PARD3: variants seen among roughly 807,000 people sequenced by gnomAD.
The protein encoded by PARD3 is par-3 family cell polarity regulator, also known as partitioning defective 3 homolog.
Under a neutral mutation model 155.4 loss-of-function variants are expected in PARD3, and 75 were observed. That is an observed-to-expected ratio of 0.48 (90% CI 0.40 to 0.58). PARD3 has a LOEUF of 0.58. PARD3 is among the 20% of genes least tolerant of loss of function. The pLI, the probability that PARD3 is intolerant of heterozygous loss-of-function variation, is 0.00. For missense variants in PARD3, 1,642 were observed against 1,721.7 expected, an observed-to-expected ratio of 0.95 and a Z score of 0.82; for synonymous variants, 576 against 610.5, an observed-to-expected ratio of 0.94 and a Z score of 0.83.
chr10:34,204,652 A>G (rs1179638352), intron 22 of PARD3, among the ~76,000 whole-genome samples: 1 of 152,186 alleles, frequency 6.6e-6, no homozygotes, highest in African/African-American at 2.4e-5. Context: ...ACACATATTC[A>G]GATGCATCTG....
At chr10:34,539,224 G>A (rs1354156209) in intron 2 of PARD3, among the ~76,000 whole-genome samples, 2 of 152,140 alleles carry the variant, frequency 1.3e-5, no homozygotes, top group Non-Finnish European at 2.9e-5. Context: ...AAAGTATTGT[G>A]GTGCTCCCAG....
At chr10:34,640,896 G>A (rs1033744575) in intron 2 of PARD3, among the ~76,000 whole-genome samples, 1 of 151,908 alleles carries the variant, frequency 6.6e-6, no homozygotes, top group Non-Finnish European at 1.5e-5. Context: ...GACAGGGAGG[G>A]AGGGAATGTG....
chr10:34,360,518 T>A (rs1839341483), intron 12 of PARD3, among the ~76,000 whole-genome samples: 1 of 152,120 alleles, frequency 6.6e-6, no homozygotes, highest in South Asian at 2.1e-4. Context: ...AGAGGGAAAA[T>A]GTAGTGGAAG....
intron 5 of PARD3, among the ~76,000 whole-genome samples, chr10:34,411,967 T>C (rs1269288368): frequency 6.7e-6 from 1 of 149,834 alleles, no homozygotes; most frequent in South Asian, 2.1e-4. Flanking sequence ...TGTGTGTATT[T>C]CCTCCTTTTT....
rs190184569 is a variant in PARD3, at chr10:34,602,648, T to C, written c.223-85489A>G. 7.2e-5 allele frequency among the ~76,000 whole-genome samples: 11 copies of C among 152,296 alleles called. No homozygotes were observed. The East Asian group carries it at 1.4e-3, about 19-fold the overall frequency. On this transcript the variant is annotated intron_variant, in intron 2 of 24. Coordinates refer to ENST00000374788, the MANE Select transcript of PARD3 (RefSeq NM_001184785.2). ...ACAGATGAATCTCACAGATGTAATA[T>C]GAGAAAAGCAGCCAGCAATGAGAGA...
chr10:34,547,873 T>C (rs2084224885), intron 2 of PARD3, among the ~76,000 whole-genome samples: 1 of 152,214 alleles, frequency 6.6e-6, no homozygotes, highest in African/African-American at 2.4e-5. Flanking sequence ...AAAAATAGCC[T>C]ACATTATGAA....
At chr10:34,428,591 T>C (rs1564702415) in intron 5 of PARD3, among the ~76,000 whole-genome samples, 1 of 152,142 alleles carries the variant, frequency 6.6e-6, no homozygotes, top group Non-Finnish European at 1.5e-5. Flanking sequence ...CAAAATACAG[T>C]TGAAAATGAT....
At chr10:34,420,037 T>C (rs1846042695) in intron 5 of PARD3, among the ~76,000 whole-genome samples, 1 of 152,226 alleles carries the variant, frequency 6.6e-6, no homozygotes, top group South Asian at 2.1e-4. Context: ...CTGCAGCGTC[T>C]GCCTTCTGGG....
chr10:34,605,636 A>C (rs1242432675), intron 2 of PARD3, among the ~76,000 whole-genome samples: 1 of 106,294 alleles, frequency 9.4e-6, no homozygotes, highest in African/African-American at 4.6e-5. Context: ...ATATATATAT[A>C]TCTCCTATAT....
intron 24 of PARD3, among the ~76,000 whole-genome samples, chr10:34,112,136 C>T (rs1946415302): frequency 6.6e-6 from 1 of 152,236 alleles, no homozygotes; most frequent in Admixed American, 6.5e-5. Context: ...CCTTAAAGCT[C>T]TGGCTTTCAA....
At chr10:34,137,208 C>T (rs1947946394) in intron 22 of PARD3, among the ~76,000 whole-genome samples, 1 of 152,152 alleles carries the variant, frequency 6.6e-6, no homozygotes, top group Non-Finnish European at 1.5e-5. Context: ...TGCTTCTAAC[C>T]AATGAGAAAT....
chr10:34,751,084 G>A (rs1835973709), intron 1 of PARD3, among the ~76,000 whole-genome samples: 1 of 152,174 alleles, frequency 6.6e-6, no homozygotes, highest in South Asian at 2.1e-4. Flanking sequence ...GACAGAACCA[G>A]GTTCACACCC....
In PARD3 at chr10:34,350,804, T is replaced by G. The variant is rs188242630; in HGVS notation, c.2068-2689A>C. On this transcript the variant is annotated intron_variant, in intron 14 of 24. Coordinates refer to ENST00000374788, the MANE Select transcript of PARD3 (RefSeq NM_001184785.2). ...GTGGCTGTTTAGCCCCTCAGTTCCA[T>G]CCCAAGGAAAGTCTTTCTACCTATT... is the stretch of plus-strand genomic sequence containing the variant. Among the ~76,000 whole-genome samples, 4 of 152,210 alleles carry G rather than the reference T, an allele frequency of 2.6e-5. No individual in the cohort carries two copies. In the East Asian group the frequency reaches 7.7e-4, roughly 29 times the overall value.
chr10:34,223,858 C>A (rs1178880445), intron 22 of PARD3, among the ~76,000 whole-genome samples: 1 of 152,164 alleles, frequency 6.6e-6, no homozygotes, highest in Non-Finnish European at 1.5e-5. Flanking sequence ...GGCTCAGAGA[C>A]CATGTCACAC....
At chr10:34,160,472 G>A (rs1011021122) in intron 22 of PARD3, among the ~76,000 whole-genome samples, 3 of 152,168 alleles carry the variant, frequency 2.0e-5, no homozygotes, top group African/African-American at 4.8e-5. Flanking sequence ...TTTCAACACT[G>A]CTGTTGATTA....
intron 5 of PARD3, among the ~76,000 whole-genome samples, chr10:34,432,071 A>AAAAAAG (rs2075960604): frequency 6.9e-6 from 1 of 145,056 alleles, no homozygotes; most frequent in African/African-American, 2.7e-5. Context: ...AAAAAAAAAA[A>AAAAAAG]GAATGCAGAG....
At chr10:34,759,524 A>T (rs1274817239) in intron 1 of PARD3, among the ~76,000 whole-genome samples, 1 of 152,230 alleles carries the variant, frequency 6.6e-6, no homozygotes, top group Non-Finnish European at 1.5e-5. Flanking sequence ...CACCTCAAAC[A>T]TTTCACTGAA....
intron 7 of PARD3, among the ~76,000 whole-genome samples, chr10:34,388,182 A>G (rs1343490056): frequency 2.6e-5 from 4 of 152,206 alleles, no homozygotes; most frequent in Non-Finnish European, 4.4e-5. Context: ...AACAGACTGA[A>G]TTAAGGTGAA....
At chr10:34,569,637 T>C (rs2134138757) in intron 2 of PARD3, among the ~76,000 whole-genome samples, 1 of 152,188 alleles carries the variant, frequency 6.6e-6, no homozygotes, top group Middle Eastern at 3.4e-3. Context: ...CAGGATGATC[T>C]CCATCTCCTG....
Sources: allele counts gnomAD v4.1 joint callset (sites outside exome capture counted in the v4.1 genomes callset), GRCh38; gene constraint gnomAD v4.1.1; transcripts MANE v1.5; gene names NCBI Gene and HGNC (gene_info 2026-07-23, HGNC 2026-07-21).